The following ADAM12 variants were observed in gnomAD, a reference collection of about 807,000 sequenced individuals.
ADAM12 encodes the protein ADAM metallopeptidase domain 12.
In ADAM12, 70 loss-of-function variants were observed where a neutral mutation model predicts 106.4. The observed-to-expected ratio is 0.66, with a 90% CI of 0.54 to 0.80. ADAM12 has a LOEUF of 0.80. Ranked by LOEUF, ADAM12 falls within the 30% of genes least tolerant of loss-of-function variation. The pLI is 0.00. For synonymous variants in ADAM12, 420 were observed against 433.5 expected (o/e 0.97, Z 0.39); for missense variants, 1,010 against 1,171.9 (o/e 0.86, Z 2.02).
At chr10:126,185,848 C>T (rs1957391142) in intron 3 of ADAM12, among the ~76,000 whole-genome samples, 1 of 152,096 alleles carries the variant, frequency 6.6e-6, no homozygotes, top group African/African-American at 2.4e-5. Flanking sequence ...TCTCCTGGCC[C>T]CAGTTATGAA....
At chr10:126,354,492 G>A (rs112526930) in intron 1 of ADAM12, among the ~76,000 whole-genome samples, 39 of 152,200 alleles carry the variant, frequency 2.6e-4, no homozygotes, top group African/African-American at 9.4e-4. Context: ...CCACAGGACT[G>A]AGTGAGTTTC....
intron 4 of ADAM12, among the ~76,000 whole-genome samples, chr10:126,142,095 G>C (rs189881621): frequency 1.3e-5 from 2 of 152,322 alleles, no homozygotes; most frequent in African/African-American, 4.8e-5. Flanking sequence ...ATACCTGGCT[G>C]TCAGAAACAT....
At chr10:126,030,588 G>C (rs1188015485) in intron 21 of ADAM12, among the ~76,000 whole-genome samples, 1 of 152,152 alleles carries the variant, frequency 6.6e-6, no homozygotes. Context: ...ACAAATAAGT[G>C]GGAAACAAAT....
intron 11 of ADAM12, among the ~76,000 whole-genome samples, chr10:126,088,416 C>T (rs576834429): frequency 1.3e-5 from 2 of 151,988 alleles, no homozygotes; most frequent in African/African-American, 4.8e-5. Context: ...TAGAGAAGGC[C>T]GAGGCTGTGC....
At chr10:126,340,086 C>CTCGTG (rs1177548653) in intron 1 of ADAM12, among the ~76,000 whole-genome samples, 2 of 152,056 alleles carry the variant, frequency 1.3e-5, no homozygotes, top group Non-Finnish European at 2.9e-5. Context: ...ATCTCTTGAC[C>CTCGTG]TCGTGATCCA....
At chr10:126,133,186 T>C (rs1448099199) in intron 5 of ADAM12, among the ~76,000 whole-genome samples, 2 of 152,122 alleles carry the variant, frequency 1.3e-5, no homozygotes, top group Non-Finnish European at 2.9e-5. Context: ...CTCATGTACC[T>C]CAGCTCCTTG....
At chr10:126,192,601 T>A (rs1340632205) in intron 3 of ADAM12, among the ~76,000 whole-genome samples, 3 of 152,230 alleles carry the variant, frequency 2.0e-5, no homozygotes, top group African/African-American at 7.2e-5. Context: ...TCTATATTCA[T>A]CCATCGCACA....
chr10:126,241,629 C>A (rs1005631376), intron 3 of ADAM12, among the ~76,000 whole-genome samples: 3 of 152,188 alleles, frequency 2.0e-5, no homozygotes, highest in African/African-American at 7.2e-5. Context: ...AAGGCCAGGG[C>A]AAACTGAGCC....
At chr10:126,169,954 G>C (rs555447078) in intron 3 of ADAM12, among the ~76,000 whole-genome samples, 5 of 152,328 alleles carry the variant, frequency 3.3e-5, no homozygotes, top group South Asian at 2.1e-4. Context: ...CCCAAAGCAG[G>C]GGGTCCTGCA....
intron 14 of ADAM12, among the ~76,000 whole-genome samples, chr10:126,051,499 ACCCG>A (rs113045972): frequency 0.44 from 51,156 of 117,226 alleles, 10,536 homozygotes; most frequent in Admixed American, 0.5. Context: ...CCGTCCATCC[ACCCG>A]TCCATCCATC....
rs1001495332 is a variant in ADAM12 at position 126,359,853 on chromosome 10, C to T, written c.88+28205G>A. On this transcript the variant is annotated intron_variant, in intron 1 of 22. Coordinates refer to ENST00000448723, the MANE Select transcript of ADAM12 (RefSeq NM_001288973.2). ...GGGCTGCAACCCCACATTTCCCTTT[C>T]GCACTGCCCTAGCAGAGATTCTCCA... 3.3e-5 allele frequency among the ~76,000 whole-genome samples: 5 copies of T among 152,302 alleles called. No homozygotes were observed. The South Asian group carries it at 8.3e-4, about 25-fold the overall frequency.
intron 17 of ADAM12, 66 bp downstream of exon 17, chr10:126,045,989 C>CA: frequency 3.5e-6 from 5 of 1,427,116 alleles, no homozygotes; most frequent in Non-Finnish European, 4.9e-6. Context: ...AAACCTTTTA[C>CA]AAATGAATGT....
Position 126,063,821 on chromosome 10 carries a change from A to C in ADAM12, c.1609+985T>G, listed in dbSNP as rs574560058. Among the ~76,000 whole-genome samples, 13 of 152,196 alleles carry C rather than the reference A, an allele frequency of 8.5e-5. 1 individual carries two copies. The highest frequency in any genetic ancestry group is 1.3e-4 in the Non-Finnish European group (9 of 68,022). On this transcript the variant is annotated intron_variant, in intron 14 of 22. Coordinates refer to ENST00000448723, the MANE Select transcript of ADAM12 (RefSeq NM_001288973.2). ...GGGGCCTTGGAGTCCAGGGCTGCCC[A>C]ATGAGGCCTTGGATCTCTGACCCCA... is the stretch of plus-strand genomic sequence containing the variant.
intron 14 of ADAM12, among the ~76,000 whole-genome samples, chr10:126,051,805 G>C (rs564411841): frequency 6.6e-6 from 1 of 152,302 alleles, no homozygotes; most frequent in African/African-American, 2.4e-5. Flanking sequence ...CTTGAAAATT[G>C]CAAGGAGACA....
chr10:126,260,781 T>C (rs369635094), intron 3 of ADAM12, among the ~76,000 whole-genome samples: 1 of 152,174 alleles, frequency 6.6e-6, no homozygotes, highest in Non-Finnish European at 1.5e-5. Context: ...GTGTCTATCA[T>C]GTCCACCCCA....
intron 3 of ADAM12, among the ~76,000 whole-genome samples, chr10:126,250,500 C>A (rs1286563768): frequency 6.6e-6 from 1 of 152,190 alleles, no homozygotes; most frequent in Non-Finnish European, 1.5e-5. Context: ...AAGTTTCTCT[C>A]AAGCCTTTAA....
At chr10:126,254,772 C>T (rs1415030098) in intron 3 of ADAM12, among the ~76,000 whole-genome samples, 2 of 152,184 alleles carry the variant, frequency 1.3e-5, no homozygotes, top group Admixed American at 6.5e-5. Flanking sequence ...TGGGGAGGCC[C>T]CTCTGTTTTG....
At chr10:126,207,387 C>T (rs955677712) in intron 3 of ADAM12, among the ~76,000 whole-genome samples, 5 of 152,176 alleles carry the variant, frequency 3.3e-5, no homozygotes, top group African/African-American at 9.7e-5. Flanking sequence ...ATAATCTTAG[C>T]TAAGTTATAG....
chr10:126,096,524 C>T (rs1955561662), intron 10 of ADAM12, among the ~76,000 whole-genome samples: 1 of 152,338 alleles, frequency 6.6e-6, no homozygotes, highest in Middle Eastern at 3.4e-3. Flanking sequence ...GTACTACAAT[C>T]CTGTTTTCAA....
Sources: gnomAD v4.1 joint callset for allele counts (sites outside exome capture counted in the v4.1 genomes callset) on GRCh38, gnomAD v4.1.1 for gene constraint, MANE v1.5 for transcripts, NCBI Gene and HGNC (gene_info 2026-07-23, HGNC 2026-07-21) for gene names.